SLC41A2: variants seen among roughly 807,000 people sequenced by gnomAD.
The protein encoded by SLC41A2 is solute carrier family 41 member 2, also known as SLC41A1-like 1.
Under a neutral mutation model 58.3 loss-of-function variants are expected in SLC41A2, and 32 were observed. The observed-to-expected ratio is 0.55, with a 90% CI of 0.41 to 0.74. The LOEUF (loss-of-function observed/expected upper bound fraction) is 0.74. Ranked by LOEUF, SLC41A2 falls within the 30% of genes least tolerant of loss-of-function variation. The pLI, the probability that SLC41A2 is intolerant of heterozygous loss-of-function variation, is 0.00. For synonymous variants in SLC41A2, 190 were observed against 235.0 expected, an observed-to-expected ratio of 0.81 and a Z score of 1.75; for missense variants, 514 against 680.6, an observed-to-expected ratio of 0.76 and a Z score of 2.72.
At chr12:104,865,474 C>T (rs1001756704) in intron 7 of SLC41A2, among the ~76,000 whole-genome samples, 1 of 152,174 alleles carries the variant, frequency 6.6e-6, no homozygotes, top group Non-Finnish European at 1.5e-5. Context: ...CTCATTGCAG[C>T]TTTCAGATGT....
At chr12:104,897,808 C>A (rs1213670589) in intron 3 of SLC41A2, among the ~76,000 whole-genome samples, 1 of 152,090 alleles carries the variant, frequency 6.6e-6, no homozygotes, top group Non-Finnish European at 1.5e-5. Flanking sequence ...AGAGGTATGG[C>A]AGGACACAGA....
chr12:104,867,257 A>G (rs1019763256), intron 6 of SLC41A2, among the ~76,000 whole-genome samples: 6 of 152,122 alleles, frequency 3.9e-5, no homozygotes, highest in Admixed American at 1.3e-4. Flanking sequence ...AAAGTTGCAT[A>G]TCCCTTACTG....
rs144021419 is a variant in SLC41A2 at position 104,947,351 on chromosome 12, G to A, written c.-168+10737C>T. 4.9e-3 allele frequency among the ~76,000 whole-genome samples: 745 copies of A among 151,090 alleles called. 8 individuals carry two copies. Among genetic ancestry groups the A allele is most frequent in the African/African-American group, 0.017 (712 of 41,182 alleles). On this transcript the variant is annotated intron_variant, in intron 1 of 10. Transcript: ENST00000258538. Reference sequence around the variant, plus strand: ...CCTGAGTAGCTGGGACTACAGGTGCGCACCACCATGCTCGGCTAATTTTTG... The same window carrying A: ...CCTGAGTAGCTGGGACTACAGGTGCACACCACCATGCTCGGCTAATTTTTG...
intron 5 of SLC41A2, among the ~76,000 whole-genome samples, chr12:104,888,557 A>G (rs553898643): frequency 1.3e-5 from 2 of 152,260 alleles, no homozygotes; most frequent in East Asian, 3.9e-4. Context: ...ACAATATGCT[A>G]TCTTAAGTAT....
chr12:104,858,018 AT>A (rs559754386), intron 8 of SLC41A2, among the ~76,000 whole-genome samples: 206 of 152,324 alleles, frequency 1.4e-3, no homozygotes, highest in Middle Eastern at 0.01. Context: ...AAATAAAAAA[AT>A]AAAGAAGAAT....
chr12:104,920,724 A>T (rs1218460509), intron 2 of SLC41A2, among the ~76,000 whole-genome samples: 2 of 151,922 alleles, frequency 1.3e-5, no homozygotes, highest in Admixed American at 6.6e-5. Flanking sequence ...GGAGATCGAG[A>T]CCATCCTGGC....
rs79835310 is a variant in SLC41A2, at chr12:104,871,662, C to T, written c.1028-5083G>A. Among the ~76,000 whole-genome samples, 890 of 152,264 alleles carry T rather than the reference C, an allele frequency of 5.8e-3. 16 individuals are homozygous for T. Among genetic ancestry groups the T allele is most frequent in the African/African-American group, 0.02 (837 of 41,552 alleles). On this transcript the variant is annotated intron_variant, in intron 6 of 10. Coordinates refer to ENST00000258538, the MANE Select transcript of SLC41A2 (RefSeq NM_001352171.3). ...TCCTCATCAAAATGATTTTTTGTTACAATCTATTATGTTATTGGACAATTA... is the reference window on the plus strand; with the variant it reads ...TCCTCATCAAAATGATTTTTTGTTATAATCTATTATGTTATTGGACAATTA...
In SLC41A2 at chr12:104,889,463, A is replaced by C. The variant is rs905743672; in HGVS notation, c.736-286T>G. 2.0e-5 allele frequency among the ~76,000 whole-genome samples: 3 copies of C among 152,312 alleles called. No individual in the cohort carries two copies. The East Asian group carries it at 5.8e-4, about 29-fold the overall frequency. ...GATGGTATAACTAATAGATCACCTA[A>C]GAAAATGCCACCTTCAGACTGAGAA... On this transcript the variant is annotated intron_variant, in intron 4 of 10. Transcript: ENST00000258538.
chr12:104,938,295 T>G (rs1271304967), intron 1 of SLC41A2, among the ~76,000 whole-genome samples: 1 of 152,170 alleles, frequency 6.6e-6, no homozygotes, highest in African/African-American at 2.4e-5. Context: ...GGATACCTAG[T>G]GTTTATTATT....
intron 5 of SLC41A2, 115 bp downstream of exon 5, chr12:104,888,916 GAT>G: frequency 9.4e-7 from 1 of 1,061,384 alleles, no homozygotes; most frequent in Non-Finnish European, 1.3e-6. Flanking sequence ...TAAGTTTGTA[GAT>G]ATGTTTTTTC....
chr12:104,849,168 A>T (rs563705891), intron 8 of SLC41A2, among the ~76,000 whole-genome samples: 137 of 152,316 alleles, frequency 9.0e-4, no homozygotes, highest in Admixed American at 1.9e-3. Flanking sequence ...TAAATTACAC[A>T]CCATAAAGGA....
intron 6 of SLC41A2, among the ~76,000 whole-genome samples, chr12:104,885,715 T>C (rs1473434572): frequency 2.0e-5 from 3 of 152,158 alleles, no homozygotes; most frequent in Non-Finnish European, 4.4e-5. Flanking sequence ...AAATACTCTA[T>C]CACTATTTAT....
At chr12:104,853,437 T>C (rs1378133294) in intron 8 of SLC41A2, among the ~76,000 whole-genome samples, 1 of 152,170 alleles carries the variant, frequency 6.6e-6, no homozygotes, top group Non-Finnish European at 1.5e-5. Flanking sequence ...AGAACTCACA[T>C]GCAGAAATTA....
intron 1 of SLC41A2, among the ~76,000 whole-genome samples, chr12:104,953,993 A>C (rs935231446): frequency 6.6e-6 from 1 of 152,204 alleles, no homozygotes; most frequent in African/African-American, 2.4e-5. Context: ...ATGTCTAAAT[A>C]AGTCGAATCT....
chr12:104,847,515 G>A (rs1297472226), intron 8 of SLC41A2, among the ~76,000 whole-genome samples: 2 of 147,008 alleles, frequency 1.4e-5, no homozygotes, highest in Non-Finnish European at 3.0e-5. Context: ...TGAGGCAGGC[G>A]AATCACTTGA....
At chr12:104,883,725 G>A (rs2044506728) in intron 6 of SLC41A2, among the ~76,000 whole-genome samples, 1 of 152,176 alleles carries the variant, frequency 6.6e-6, no homozygotes, top group Non-Finnish European at 1.5e-5. Flanking sequence ...ATCTCAGAGG[G>A]ACACCCGGCT....
At chr12:104,935,941 G>T (rs1303503043) in intron 1 of SLC41A2, among the ~76,000 whole-genome samples, 2 of 152,044 alleles carry the variant, frequency 1.3e-5, no homozygotes, top group Non-Finnish European at 2.9e-5. Context: ...TACTCGGGAG[G>T]CTGAACCATG....
chr12:104,893,614 A>T (rs1387390997), intron 4 of SLC41A2, among the ~76,000 whole-genome samples: 1 of 152,260 alleles, frequency 6.6e-6, no homozygotes, highest in Non-Finnish European at 1.5e-5. Context: ...CTAAGTGACC[A>T]TCAACAGATG....
At chr12:104,819,056 T>C (rs1166602508) in intron 10 of SLC41A2, among the ~76,000 whole-genome samples, 2 of 152,130 alleles carry the variant, frequency 1.3e-5, no homozygotes, top group African/African-American at 4.8e-5. Flanking sequence ...CAGAATACTG[T>C]AGCCAACATT....
Sources: gnomAD v4.1 joint callset for allele counts (sites outside exome capture counted in the v4.1 genomes callset) on GRCh38, gnomAD v4.1.1 for gene constraint, MANE v1.5 for transcripts, NCBI Gene and HGNC (gene_info 2026-07-23, HGNC 2026-07-21) for gene names.